RIMKLB: variants seen among roughly 807,000 people sequenced by gnomAD.
RIMKLB encodes beta-citrylglutamate synthase B.
In RIMKLB, 7 loss-of-function variants were observed where a neutral mutation model predicts 32.0. The observed-to-expected ratio is 0.22, with a 90% confidence interval of 0.12 to 0.41. RIMKLB has a LOEUF of 0.41. Ranked by LOEUF, RIMKLB falls within the 10% of genes least tolerant of loss-of-function variation. The probability of loss-of-function intolerance (pLI) is 1.00; values close to 1 mark genes in which losing one functional copy is unlikely to be tolerated. For missense variants in RIMKLB, 289 were observed against 498.7 expected, an observed-to-expected ratio of 0.58 and a Z score of 4.00; for synonymous variants, 172 against 185.1, an observed-to-expected ratio of 0.93 and a Z score of 0.57.
chr12:8,759,739 C>T (rs985773087), intron 5 of RIMKLB, among the ~76,000 whole-genome samples: 1 of 152,146 alleles, frequency 6.6e-6, no homozygotes, highest in Non-Finnish European at 1.5e-5. Flanking sequence ...CAGTTGAGAA[C>T]CACTGCTTTA....
Position 8,746,455 on chromosome 12 carries a change from G to A in RIMKLB, c.176-3407G>A, listed in dbSNP as rs533886166. On this transcript the variant is annotated intron_variant, in intron 2 of 5. Coordinates refer to ENST00000535829, the MANE Select transcript of RIMKLB (RefSeq NM_001297776.2). ...CTCTAAAAAATACAAACAAGTAGCCGGGCGCGGTGGTGCATGCCTGTGGTC... is the reference window on the plus strand; with the variant it reads ...CTCTAAAAAATACAAACAAGTAGCCAGGCGCGGTGGTGCATGCCTGTGGTC... Among the ~76,000 whole-genome samples the A allele has an allele frequency of 4.3e-4, 65 of 151,486 alleles. 2 individuals are homozygous for A. The South Asian group carries it at 0.012, about 28-fold the overall frequency.
intron 1 of RIMKLB, among the ~76,000 whole-genome samples, chr12:8,684,182 T>C (rs11046764): frequency 0.33 from 47,325 of 143,324 alleles, 7,478 homozygotes; most frequent in South Asian, 0.44. Context: ...AATTTTCTCT[T>C]TTTTTTTTTT....
At chr12:8,749,619 A>G (rs1948451629) in intron 2 of RIMKLB, among the ~76,000 whole-genome samples, 1 of 152,244 alleles carries the variant, frequency 6.6e-6, no homozygotes, top group African/African-American at 2.4e-5. Flanking sequence ...CTGAACATAT[A>G]TGTTTATGAC....
At chr12:8,731,442 G>A (rs1226829909) in intron 2 of RIMKLB, among the ~76,000 whole-genome samples, 3 of 151,642 alleles carry the variant, frequency 2.0e-5, no homozygotes, top group Non-Finnish European at 2.9e-5. Context: ...ATTTTAGCCA[G>A]TTCCTGGTGG....
At chr12:8,677,748 CT>C (rs373393429), upstream of RIMKLB, among the ~76,000 whole-genome samples, 85 of 145,526 alleles carry the variant, frequency 5.8e-4, no homozygotes, top group Middle Eastern at 3.6e-3. Flanking sequence ...AACCTTTGCC[CT>C]TTTTTTTTTT....
chr12:8,717,865 G>A (rs886306365), intron 2 of RIMKLB, among the ~76,000 whole-genome samples: 3 of 151,728 alleles, frequency 2.0e-5, no homozygotes, highest in Non-Finnish European at 2.9e-5. Context: ...TTTTGTTGTT[G>A]TTGAGTATCT....
intron 1 of RIMKLB, among the ~76,000 whole-genome samples, chr12:8,686,425 G>A (rs1393500855): frequency 1.3e-5 from 2 of 151,248 alleles, no homozygotes; most frequent in East Asian, 3.9e-4. Context: ...CCACAGACGC[G>A]TGACACCATG....
At chr12:8,687,256 C>CTAAG (rs1280081692) in intron 1 of RIMKLB, among the ~76,000 whole-genome samples, 8 of 152,190 alleles carry the variant, frequency 5.3e-5, no homozygotes, top group Non-Finnish European at 1.2e-4. Context: ...TGCTTCCTCT[C>CTAAG]TAAGCATCAT....
At chr12:8,773,116 AC>A (rs1950536963) in intron 5 of RIMKLB, among the ~76,000 whole-genome samples, 1 of 152,230 alleles carries the variant, frequency 6.6e-6, no homozygotes, top group Non-Finnish European at 1.5e-5. Flanking sequence ...TTGACAACTT[AC>A]GAAATCATCA....
chr12:8,707,172 C>A (rs1465692062), intron 1 of RIMKLB, among the ~76,000 whole-genome samples: 1 of 152,168 alleles, frequency 6.6e-6, no homozygotes, highest in Non-Finnish European at 1.5e-5. Context: ...AGCTAGGTGT[C>A]CTCTAATTTC....
intron 2 of RIMKLB, among the ~76,000 whole-genome samples, chr12:8,718,216 T>TTTG (rs1193986129): frequency 6.6e-6 from 1 of 152,174 alleles, no homozygotes; most frequent in East Asian, 1.9e-4. Context: ...CTAGCAGGTT[T>TTTG]TTGTTGTTGT....
At chr12:8,722,655 G>A (rs74059979) in intron 2 of RIMKLB, among the ~76,000 whole-genome samples, 3,176 of 152,294 alleles carry the variant, frequency 0.021, 109 homozygotes, top group African/African-American at 0.072. Flanking sequence ...CAAAGTCCTA[G>A]AGGGCATCTT....
chr12:8,704,121 C>T (rs975582688), intron 1 of RIMKLB, among the ~76,000 whole-genome samples: 10 of 152,126 alleles, frequency 6.6e-5, no homozygotes, highest in South Asian at 2.1e-4. Context: ...TGGTGGCTCA[C>T]GCCTGTAATC....
At chr12:8,715,228 C>CCTTTTTTTTTTTTT (rs1445737752) in intron 2 of RIMKLB, among the ~76,000 whole-genome samples, 5 of 123,736 alleles carry the variant, frequency 4.0e-5, no homozygotes, top group African/African-American at 1.3e-4. Flanking sequence ...TGCTCTTGTT[C>CCTTTTTTTTTTTTT]TTTTTTTTTT....
At chr12:8,687,627 T>C (rs989370942) in intron 1 of RIMKLB, among the ~76,000 whole-genome samples, 3 of 152,092 alleles carry the variant, frequency 2.0e-5, no homozygotes, top group African/African-American at 7.2e-5. Flanking sequence ...GCTCCCCTCC[T>C]TCCTTTCTTC....
In RIMKLB at chr12:8,773,778, G is replaced by A. The variant is rs376706264; in HGVS notation, c.1155G>A (p.Val385=). Residue 385 remains valine (V), a synonymous_variant, in exon 6 of 6, where the codon GTG becomes GTA. Transcript: ENST00000535829. ...TAGCCAATGAAATCAAACTACTGGT[G>A]GACTGACTCCACTGGTAATTAACCA... is the stretch of plus-strand genomic sequence containing the variant. ...QLLANEIKLL[V]D 4 of 1,609,296 alleles carry A rather than the reference G, an allele frequency of 2.5e-6. No homozygotes were observed. In the African/African-American group the frequency reaches 5.3e-5, roughly 22 times the overall value.
intron 5 of RIMKLB, among the ~76,000 whole-genome samples, chr12:8,766,593 A>G (rs995417281): frequency 6.6e-6 from 1 of 152,210 alleles, no homozygotes; most frequent in Non-Finnish European, 1.5e-5. Flanking sequence ...GAGCAGACCA[A>G]TTATTAGGCA....
At chr12:8,690,995 C>T (rs901156048) in intron 1 of RIMKLB, among the ~76,000 whole-genome samples, 2 of 152,050 alleles carry the variant, frequency 1.3e-5, no homozygotes, top group African/African-American at 2.4e-5. Context: ...TTCTAAGATA[C>T]GATAGGTTTA....
chr12:8,735,184 A>G (rs1946881976), intron 2 of RIMKLB, among the ~76,000 whole-genome samples: 3 of 152,060 alleles, frequency 2.0e-5, no homozygotes, highest in Non-Finnish European at 4.4e-5. Flanking sequence ...GCTGTGGGGT[A>G]TTGCTGCCTA....
Sources: gnomAD v4.1 joint callset for allele counts (sites outside exome capture counted in the v4.1 genomes callset) on GRCh38, gnomAD v4.1.1 for gene constraint, MANE v1.5 for transcripts, NCBI Gene and HGNC (gene_info 2026-07-23, HGNC 2026-07-21) for gene names.